The following TYW1 variants were observed in gnomAD, a reference collection of about 807,000 sequenced individuals.
TYW1 encodes S-adenosyl-L-methionine-dependent tRNA 4-demethylwyosine synthase TYW1.
Under a neutral mutation model 96.2 loss-of-function variants are expected in TYW1, and 46 were observed. The ratio of observed to expected loss-of-function variants is 0.48; its 90% CI spans 0.38 to 0.61. TYW1 has a LOEUF of 0.61. TYW1 is among the 20% of genes least tolerant of loss of function. The pLI is 0.00. For synonymous variants in TYW1, 274 were observed against 323.0 expected (o/e 0.85, Z 1.63); for missense variants, 684 against 909.6 (o/e 0.75, Z 3.19).
intron 15 of TYW1, among the ~76,000 whole-genome samples, chr7:67,224,599 A>G (rs1347949152): frequency 6.6e-6 from 1 of 152,228 alleles, no homozygotes; most frequent in Non-Finnish European, 1.5e-5. Context: ...ATAATAGATC[A>G]TCAGAGTAGA....
In TYW1 at chr7:67,155,374, C is replaced by T. The variant is rs76912776; in HGVS notation, c.1699-27752C>T. On this transcript the variant is annotated intron_variant, in intron 13 of 15. Coordinates refer to ENST00000359626, the MANE Select transcript of TYW1 (RefSeq NM_018264.4). Reference sequence around the variant, plus strand: ...TGTAAAAGTGTGTGGCACCTTTCTCCTCCTTCGCTCTTGCTCCCACTCTCA... The same window carrying T: ...TGTAAAAGTGTGTGGCACCTTTCTCTTCCTTCGCTCTTGCTCCCACTCTCA... Among the ~76,000 whole-genome samples, 30 of 152,234 alleles carry T rather than the reference C, an allele frequency of 2.0e-4. No individual in the cohort carries two copies. The East Asian group carries it at 5.8e-3, about 29-fold the overall frequency.
intron 13 of TYW1, among the ~76,000 whole-genome samples, chr7:67,173,134 T>A (rs964964427): frequency 3.3e-5 from 5 of 152,190 alleles, no homozygotes; most frequent in Admixed American, 2.6e-4. Context: ...TCCTGAAAAT[T>A]CAAATGTATC....
chr7:67,217,003 T>A (rs1299887988), intron 15 of TYW1, among the ~76,000 whole-genome samples: 1 of 150,412 alleles, frequency 6.6e-6, no homozygotes, highest in East Asian at 1.9e-4. Flanking sequence ...ATCAATACTC[T>A]GAGTTCTTAT....
chr7:67,050,027 A>G lies in TYW1; in HGVS notation c.1063A>G (p.Met355Val), dbSNP rs1795307212. ...GAATGAAGATGGTGAAAGAAGAGCT[A>G]TGATAACTCCTGCTCTCCGAGAAGC... ...GRNEDGERRA[M>V]ITPALREALT... The change falls in exon 8 of 16, where the codon ATG becomes GTG. Residue 355 changes from methionine (M) to valine (V), a missense_variant. Coordinates refer to ENST00000359626, the MANE Select transcript of TYW1 (RefSeq NM_018264.4). 3 of 1,614,118 alleles carry G rather than the reference A, an allele frequency of 1.9e-6. No homozygotes were observed. The highest frequency in any genetic ancestry group is 1.1e-5 in the South Asian group (1 of 91,084).
At chr7:67,006,948 CTTTTTTTTTTTTT>C (rs34475001) in intron 3 of TYW1, among the ~76,000 whole-genome samples, 9 of 45,142 alleles carry the variant, frequency 2.0e-4, no homozygotes, top group South Asian at 1.1e-3. Context: ...AGATGTGAGG[CTTTTTTTTTTTTT>C]TTTTTTTTTT....
chr7:67,073,471 C>T (rs1796098359), intron 10 of TYW1, among the ~76,000 whole-genome samples: 1 of 152,106 alleles, frequency 6.6e-6, no homozygotes, highest in South Asian at 2.1e-4. Flanking sequence ...CATGGCAGCA[C>T]TGAAATAGAA....
intron 15 of TYW1, among the ~76,000 whole-genome samples, chr7:67,211,756 T>C (rs1457230645): frequency 6.6e-6 from 1 of 152,196 alleles, no homozygotes; most frequent in Non-Finnish European, 1.5e-5. Context: ...GACTGCAGTG[T>C]ATATAGCGGC....
intron 15 of TYW1, among the ~76,000 whole-genome samples, chr7:67,220,162 C>T (rs1220169599): frequency 6.3e-5 from 9 of 142,814 alleles, no homozygotes; most frequent in African/African-American, 2.3e-4. Context: ...TGCTTAATCT[C>T]TACAAATTTG....
intron 7 of TYW1, among the ~76,000 whole-genome samples, chr7:67,036,344 T>C (rs1794841603): frequency 6.6e-6 from 1 of 152,100 alleles, no homozygotes; most frequent in South Asian, 2.1e-4. Context: ...ATAGCGCTCC[T>C]CTAATCAGAA....
At chr7:67,023,328 C>T (rs2129246001) in intron 6 of TYW1, among the ~76,000 whole-genome samples, 1 of 152,156 alleles carries the variant, frequency 6.6e-6, no homozygotes, top group East Asian at 1.9e-4. Context: ...AACTCTTGAC[C>T]TCAGGTGATC....
At chr7:67,033,442 T>A (rs953612680) in intron 7 of TYW1, among the ~76,000 whole-genome samples, 5 of 152,154 alleles carry the variant, frequency 3.3e-5, no homozygotes, top group African/African-American at 1.2e-4. Context: ...CTTCTGAATT[T>A]CCTAGGCGGC....
At chr7:67,076,295 G>C (rs1326360211) in intron 10 of TYW1, among the ~76,000 whole-genome samples, 3 of 152,174 alleles carry the variant, frequency 2.0e-5, no homozygotes, top group Non-Finnish European at 4.4e-5. Context: ...TGGCAGAAGT[G>C]CTGGCGAGTG....
In TYW1 at chr7:67,097,219, G is replaced by T. The variant is rs529962256; in HGVS notation, c.1385-1322G>T. 1.8e-3 allele frequency among the ~76,000 whole-genome samples: 276 copies of T among 152,068 alleles called. 8 individuals are homozygous for T. In the East Asian group the frequency reaches 0.046, roughly 25 times the overall value. On this transcript the variant is annotated intron_variant, in intron 11 of 15. Transcript: ENST00000359626. Reference sequence around the variant, plus strand: ...ATCTGAGCTGTGGCCTGGATTGTGGGAATTTTAAGATTCCAAGGTGATTCC... The same window carrying T: ...ATCTGAGCTGTGGCCTGGATTGTGGTAATTTTAAGATTCCAAGGTGATTCC...
chr7:67,213,629 C>T (rs1034976862), intron 15 of TYW1, among the ~76,000 whole-genome samples: 1 of 152,072 alleles, frequency 6.6e-6, no homozygotes, highest in Non-Finnish European at 1.5e-5. Flanking sequence ...CCTAGATTTC[C>T]TCCCATGCTA....
rs1404505832 is a variant in TYW1, at chr7:67,045,079, G to A, written c.985-4870G>A. Among the ~76,000 whole-genome samples, 7 of 152,266 alleles carry A rather than the reference G, an allele frequency of 4.6e-5. No homozygotes were observed. The East Asian group carries it at 1.2e-3, about 25-fold the overall frequency. On this transcript the variant is annotated intron_variant, in intron 7 of 15. Coordinates refer to ENST00000359626, the MANE Select transcript of TYW1 (RefSeq NM_018264.4). ...ATGTTTGTCAGTTTCCAACTATATA[G>A]CATTTTACCTTAAAGTCTTCAGCAA...
intron 13 of TYW1, among the ~76,000 whole-genome samples, chr7:67,164,357 C>G (rs1450050032): frequency 6.6e-6 from 1 of 152,090 alleles, no homozygotes; most frequent in African/African-American, 2.4e-5. Context: ...TGCCTGTAAT[C>G]CCAGCATTTT....
Position 67,091,750 on chromosome 7 carries a change from A to T in TYW1, c.1385-6791A>T, listed in dbSNP as rs550950425. On this transcript the variant is annotated intron_variant, in intron 11 of 15. Transcript: ENST00000359626. ...GAAGGAGAGAACCAAGGTTTTACAT[A>T]AGCTTTTCAATATCTTACTTGTGAG... Among the ~76,000 whole-genome samples the T allele has an allele frequency of 2.6e-5, 4 of 152,242 alleles. No individual in the cohort carries two copies. In the South Asian group the frequency reaches 8.3e-4, roughly 32 times the overall value.
chr7:67,011,525 G>C (rs1420886429), intron 4 of TYW1, among the ~76,000 whole-genome samples: 2 of 152,230 alleles, frequency 1.3e-5, no homozygotes, highest in Admixed American at 1.3e-4. Context: ...TCTTAGCCTA[G>C]CTGCATCGTA....
At chr7:67,234,348 T>TAA (rs57100190) in intron 15 of TYW1, among the ~76,000 whole-genome samples, 2 of 93,336 alleles carry the variant, frequency 2.1e-5, no homozygotes, top group South Asian at 7.9e-4. Context: ...ACCTATCTCT[T>TAA]AAAAAAAAAA....
Sources: allele counts gnomAD v4.1 joint callset (sites outside exome capture counted in the v4.1 genomes callset), GRCh38; gene constraint gnomAD v4.1.1; transcripts MANE v1.5; gene names NCBI Gene and HGNC (gene_info 2026-07-23, HGNC 2026-07-21).